Variants in GREM2 observed in about 807,000 individuals in gnomAD.
The protein encoded by GREM2 is gremlin 2, DAN family BMP antagonist, also known as gremlin-2.
In GREM2, 11 loss-of-function variants were observed where a neutral mutation model predicts 14.2. The ratio of observed to expected loss-of-function variants is 0.78; its 90% confidence interval spans 0.49 to 1.28. The LOEUF (loss-of-function observed/expected upper bound fraction) is 1.28. Among genes scored for constraint, GREM2 ranks in the 50% most tolerant of loss-of-function variants. The probability of loss-of-function intolerance (pLI) is 0.00; values close to 1 mark genes in which losing one functional copy is unlikely to be tolerated. For synonymous variants in GREM2, 98 were observed against 97.6 expected, an observed-to-expected ratio of 1.00 and a Z score of -0.02; for missense variants, 210 against 218.5, an observed-to-expected ratio of 0.96 and a Z score of 0.24.
At chr1:240,506,946 G>A (rs1489057625) in intron 1 of GREM2, among the ~76,000 whole-genome samples, 1 of 152,226 alleles carries the variant, frequency 6.6e-6, no homozygotes, top group African/African-American at 2.4e-5. Flanking sequence ...GCGTGTTGAA[G>A]GGATTGAGTG....
chr1:240,519,030 A>ATATTAGGC (rs1304503770), intron 1 of GREM2, among the ~76,000 whole-genome samples: 1 of 152,234 alleles, frequency 6.6e-6, no homozygotes, highest in Non-Finnish European at 1.5e-5. Flanking sequence ...ACATACATAC[A>ATATTAGGC]TATTAGGCTA....
intron 1 of GREM2, among the ~76,000 whole-genome samples, chr1:240,535,377 T>A (rs1177237748): frequency 2.0e-5 from 3 of 152,210 alleles, no homozygotes; most frequent in African/African-American, 7.2e-5. Flanking sequence ...TTTGTTTTTG[T>A]TTTTTAACTA....
intron 1 of GREM2, among the ~76,000 whole-genome samples, chr1:240,509,707 C>T (rs1572371156): frequency 6.6e-6 from 1 of 152,106 alleles, no homozygotes; most frequent in Non-Finnish European, 1.5e-5. Flanking sequence ...CTTTCTCTCC[C>T]CAGCTTCCCA....
chr1:240,581,229 G>A (rs1434724841), intron 1 of GREM2, among the ~76,000 whole-genome samples: 3 of 143,584 alleles, frequency 2.1e-5, no homozygotes, highest in African/African-American at 7.8e-5. Context: ...CAGCCTGGGT[G>A]ACAACAGCAA....
chr1:240,603,729 T>C (rs1056087295), intron 1 of GREM2, among the ~76,000 whole-genome samples: 4 of 152,080 alleles, frequency 2.6e-5, no homozygotes, highest in Admixed American at 2.0e-4. Context: ...GTATATACTA[T>C]TACAAGGCAA....
At chr1:240,511,748 G>A (rs761552169) in intron 1 of GREM2, among the ~76,000 whole-genome samples, 8 of 152,094 alleles carry the variant, frequency 5.3e-5, no homozygotes, top group South Asian at 2.1e-4. Flanking sequence ...CGACAAGAGC[G>A]AGACTCCATC....
intron 1 of GREM2, among the ~76,000 whole-genome samples, chr1:240,523,666 GT>G (rs922761395): frequency 1.8e-4 from 27 of 151,506 alleles, no homozygotes; most frequent in African/African-American, 6.6e-4. Context: ...GTTTTGTTTT[GT>G]TTTTTCATGT....
intron 1 of GREM2, among the ~76,000 whole-genome samples, chr1:240,564,264 G>A (rs1448558985): frequency 6.6e-6 from 1 of 151,652 alleles, no homozygotes; most frequent in African/African-American, 2.4e-5. Context: ...CCAGCATTTT[G>A]GGACGCTGAG....
rs575978056 is a variant in GREM2, at chr1:240,591,354, T to C, written c.-2+20530A>G. 4.9e-4 allele frequency among the ~76,000 whole-genome samples: 74 copies of C among 152,274 alleles called. No individual in the cohort carries two copies. In the South Asian group the frequency reaches 0.015, roughly 31 times the overall value. ...TCAATAAACGCTTGTTGAAGGAACA[T>C]ATTGAATGAAGTGGAATTAATGTTG... On this transcript the variant is annotated intron_variant, in intron 1 of 1. Coordinates refer to ENST00000318160, the MANE Select transcript of GREM2 (RefSeq NM_022469.4).
In GREM2 at chr1:240,492,927, C is replaced by A; in HGVS notation, c.*42G>T. The A allele has an allele frequency of 1.5e-6, 2 of 1,379,284 alleles. No individual in the cohort carries two copies. The highest frequency in any genetic ancestry group is 1.9e-6 in the Non-Finnish European group (2 of 1,065,546). 85.4% of individuals were successfully genotyped at this position (1,379,284 alleles called of 1,614,324 possible). A position where few individuals can be genotyped will look rare whatever the true frequency, so the allele number is the denominator to read the frequency against. On this transcript the variant is annotated 3_prime_UTR_variant, in exon 2 of 2. Coordinates refer to ENST00000318160, the MANE Select transcript of GREM2 (RefSeq NM_022469.4). ...CAGAGGCGGCGGCGGCGCCACCCAG[C>A]GGCCGGGCGCGCGCGGGGCTGAGCT...
At chr1:240,609,873 T>G (rs1680099937) in intron 1 of GREM2, among the ~76,000 whole-genome samples, 1 of 152,118 alleles carries the variant, frequency 6.6e-6, no homozygotes, top group Non-Finnish European at 1.5e-5. Flanking sequence ...TGTACCTTGT[T>G]TAAACTTTAC....
At chr1:240,554,135 T>G (rs994885043) in intron 1 of GREM2, among the ~76,000 whole-genome samples, 4 of 152,002 alleles carry the variant, frequency 2.6e-5, no homozygotes, top group African/African-American at 9.7e-5. Context: ...TCTAGGCCAG[T>G]TGTGGTGGCT....
At chr1:240,511,956 A>C (rs1248056193) in intron 1 of GREM2, among the ~76,000 whole-genome samples, 1 of 152,174 alleles carries the variant, frequency 6.6e-6, no homozygotes, top group Non-Finnish European at 1.5e-5. Flanking sequence ...GACACTTCAA[A>C]ACTCCAGACC....
chr1:240,495,512 C>G (rs906773660), intron 1 of GREM2, among the ~76,000 whole-genome samples: 8 of 152,078 alleles, frequency 5.3e-5, no homozygotes, highest in Non-Finnish European at 1.2e-4. Context: ...TTTATTGATT[C>G]TCAAAGTACA....
intron 1 of GREM2, among the ~76,000 whole-genome samples, chr1:240,525,469 T>C (rs1364834353): frequency 6.6e-6 from 1 of 152,132 alleles, no homozygotes; most frequent in African/African-American, 2.4e-5. Flanking sequence ...GGCCACAAAT[T>C]TAGTGGCTTA....
chr1:240,506,517 A>G (rs1203207551), intron 1 of GREM2, among the ~76,000 whole-genome samples: 1 of 152,178 alleles, frequency 6.6e-6, no homozygotes, highest in Non-Finnish European at 1.5e-5. Flanking sequence ...ACCAAGGAAA[A>G]CAAACATAAT....
chr1:240,592,830 T>G (rs1056302706), intron 1 of GREM2, among the ~76,000 whole-genome samples: 1 of 152,080 alleles, frequency 6.6e-6, no homozygotes, highest in Non-Finnish European at 1.5e-5. Context: ...CTCTGCTCCC[T>G]GATGAAAGTC....
intron 1 of GREM2, among the ~76,000 whole-genome samples, chr1:240,586,778 G>C (rs1679607159): frequency 6.6e-6 from 1 of 152,130 alleles, no homozygotes; most frequent in Admixed American, 6.5e-5. Context: ...GTTCAAAAGT[G>C]TTGATTTCAG....
At position 240,497,790 on chromosome 1, in the gene GREM2, C is replaced by G. The variant is rs138356943; in HGVS notation, c.-1-4314G>C. ...AAAATGGCCACGCTTCCAGCTGGCT[C>G]AGGCCAAGTGTCAAGTATTGGACTC... On this transcript the variant is annotated intron_variant, in intron 1 of 1. Coordinates refer to ENST00000318160, the MANE Select transcript of GREM2 (RefSeq NM_022469.4). 1.9e-3 allele frequency among the ~76,000 whole-genome samples: 292 copies of G among 152,124 alleles called. 1 individual carries two copies. Among genetic ancestry groups the G allele is most frequent in the African/African-American group, 6.7e-3 (277 of 41,504 alleles).
Sources: allele counts gnomAD v4.1 joint callset (sites outside exome capture counted in the v4.1 genomes callset), GRCh38; gene constraint gnomAD v4.1.1; transcripts MANE v1.5; gene names NCBI Gene and HGNC (gene_info 2026-07-23, HGNC 2026-07-21).